Variants in ESRRG observed in about 807,000 individuals in gnomAD.
ESRRG encodes the protein estrogen related receptor gamma, also known as estrogen-related receptor gamma.
In ESRRG, 13 loss-of-function variants were observed where a neutral mutation model predicts 44.0. The ratio of observed to expected loss-of-function variants is 0.30; its 90% CI spans 0.19 to 0.47. The LOEUF is 0.47. Ranked by LOEUF, ESRRG falls within the 20% of genes least tolerant of loss-of-function variation. The pLI is 1.00. For synonymous variants in ESRRG, 215 were observed against 214.6 expected (o/e 1.00, Z -0.02); for missense variants, 395 against 580.6 (o/e 0.68, Z 3.29).
intron 2 of ESRRG, among the ~76,000 whole-genome samples, chr1:216,895,854 A>G (rs11572525): frequency 0.055 from 8,314 of 152,262 alleles, 308 homozygotes; most frequent in Non-Finnish European, 0.072. Context: ...TTCCCCCATC[A>G]TACAGAATAA....
chr1:217,018,867 G>C (rs1449376010), intron 1 of ESRRG, among the ~76,000 whole-genome samples: 1 of 152,058 alleles, frequency 6.6e-6, no homozygotes. Flanking sequence ...CCGCATTATG[G>C]CACAATTACT....
intron 2 of ESRRG, among the ~76,000 whole-genome samples, chr1:216,817,278 A>G (rs2095168566): frequency 6.6e-6 from 1 of 152,216 alleles, no homozygotes; most frequent in Non-Finnish European, 1.5e-5. Flanking sequence ...TTAAAAATGT[A>G]TTTCAATAGA....
chr1:216,658,171 C>A (rs2071126646), intron 2 of ESRRG, among the ~76,000 whole-genome samples: 1 of 152,082 alleles, frequency 6.6e-6, no homozygotes, highest in Non-Finnish European at 1.5e-5. Context: ...CCAGTACTGG[C>A]CACCTCCCTG....
intron 1 of ESRRG, among the ~76,000 whole-genome samples, chr1:216,978,536 G>A (rs894369326): frequency 6.6e-6 from 1 of 152,112 alleles, no homozygotes; most frequent in African/African-American, 2.4e-5. Context: ...GGATCTCCCG[G>A]ACACTGTGGC....
rs1453782936 is a variant in ESRRG, at chr1:217,072,399, C to T, written c.-106+17108G>A. On this transcript the variant is annotated intron_variant, in intron 1 of 7. Transcript: ENST00000359162. ...ACTTTTCTCATAATTCTACCATATA[C>T]CACTGACCTGAAGAGGGAAAGAAGA... is the stretch of plus-strand genomic sequence containing the variant. Among the ~76,000 whole-genome samples the T allele has an allele frequency of 3.3e-5, 5 of 152,156 alleles. No individual in the cohort carries two copies. The South Asian group carries it at 8.3e-4, about 25-fold the overall frequency.
chr1:216,980,309 G>A (rs1240672577), intron 1 of ESRRG, among the ~76,000 whole-genome samples: 2 of 152,232 alleles, frequency 1.3e-5, no homozygotes, highest in South Asian at 4.1e-4. Context: ...TTTGAGTCAT[G>A]TGTGTTCAAC....
At chr1:217,112,282 G>A in intron 1 of ESRRG, among the ~76,000 whole-genome samples, 1 of 152,188 alleles carries the variant, frequency 6.6e-6, no homozygotes, top group East Asian at 1.9e-4. Flanking sequence ...TTATCAGAAA[G>A]GGATTCTGTC....
At chr1:216,995,499 G>A (rs1335690324) in intron 1 of ESRRG, among the ~76,000 whole-genome samples, 1 of 152,142 alleles carries the variant, frequency 6.6e-6, no homozygotes, top group Admixed American at 6.5e-5. Flanking sequence ...TGTCATTCCT[G>A]TAAGAAGCAT....
intron 2 of ESRRG, among the ~76,000 whole-genome samples, chr1:216,772,863 T>TA (rs397827270): frequency 1.3e-5 from 2 of 151,090 alleles, no homozygotes; most frequent in African/African-American, 4.8e-5. Flanking sequence ...TTTTTTTTTT[T>TA]AATAAGCTGA....
intron 3 of ESRRG, among the ~76,000 whole-genome samples, chr1:216,637,482 C>G (rs1427966873): frequency 6.6e-6 from 1 of 152,154 alleles, no homozygotes; most frequent in Non-Finnish European, 1.5e-5. Context: ...GAAGTAATAG[C>G]AGAGAACAGC....
chr1:216,513,841 T>C (rs965445824), intron 6 of ESRRG, among the ~76,000 whole-genome samples: 1 of 152,174 alleles, frequency 6.6e-6, no homozygotes, highest in African/African-American at 2.4e-5. Context: ...AATTATAGTA[T>C]ACTGGGTAAG....
Position 217,079,014 on chromosome 1 carries a change from T to C in ESRRG, c.-106+10493A>G, listed in dbSNP as rs1016365939. ...AGGAACAGACAAGCAATGAAGAACA[T>C]GAAATATTCCACTGTTTAGCAGTGG... On this transcript the variant is annotated intron_variant, in intron 1 of 7. Coordinates refer to the ESRRG transcript ENST00000359162. Among the ~76,000 whole-genome samples the C allele has an allele frequency of 3.9e-5, 6 of 152,288 alleles. 1 individual carries two copies. The highest frequency in any genetic ancestry group is 1.4e-4 in the African/African-American group (6 of 41,542).
chr1:216,807,950 A>G (rs2148417629), intron 2 of ESRRG, among the ~76,000 whole-genome samples: 1 of 152,304 alleles, frequency 6.6e-6, no homozygotes, highest in Non-Finnish European at 1.5e-5. Flanking sequence ...TAACAACAAA[A>G]GAAATGTGCT....
chr1:216,604,203 CA>C (rs1286182914), intron 3 of ESRRG, among the ~76,000 whole-genome samples: 1 of 152,112 alleles, frequency 6.6e-6, no homozygotes. Flanking sequence ...AAAAACTGAA[CA>C]GGGATTGTAA....
intron 2 of ESRRG, among the ~76,000 whole-genome samples, chr1:216,745,377 G>A (rs999822184): frequency 4.6e-5 from 7 of 152,068 alleles, no homozygotes; most frequent in African/African-American, 1.7e-4. Context: ...TTTTCCCAAA[G>A]ACAGGGTCTT....
chr1:216,728,632 A>G (rs1229053045), intron 2 of ESRRG, among the ~76,000 whole-genome samples: 1 of 152,086 alleles, frequency 6.6e-6, no homozygotes, highest in Non-Finnish European at 1.5e-5. Flanking sequence ...CACCCCATTC[A>G]ACATATAATA....
At chr1:216,998,060 A>C (rs961806305) in intron 1 of ESRRG, among the ~76,000 whole-genome samples, 5 of 152,218 alleles carry the variant, frequency 3.3e-5, no homozygotes, top group African/African-American at 1.2e-4. Flanking sequence ...CTTGCTACTT[A>C]CTACTGCTTC....
intron 3 of ESRRG, among the ~76,000 whole-genome samples, chr1:216,586,342 G>C (rs577536311): frequency 6.6e-6 from 1 of 152,016 alleles, no homozygotes; most frequent in Non-Finnish European, 1.5e-5. Context: ...AGAAATCATC[G>C]TCATAGATGA....
rs750030299 is a variant in ESRRG, at chr1:216,993,654, G to A, written c.-105-53981C>T. On this transcript the variant is annotated intron_variant, in intron 1 of 7. Coordinates refer to the ESRRG transcript ENST00000359162. Reference sequence around the variant, plus strand: ...TTAAGGTGACAGATATTCCCGTACCGCAGTCTTGCCCATTTATATCCAAGA... The same window carrying A: ...TTAAGGTGACAGATATTCCCGTACCACAGTCTTGCCCATTTATATCCAAGA... Among the ~76,000 whole-genome samples the A allele has an allele frequency of 7.7e-4, 117 of 152,200 alleles. 1 individual carries two copies. Among genetic ancestry groups the A allele is most frequent in the Non-Finnish European group, 3.1e-4 (21 of 68,028 alleles).
Sources: allele counts gnomAD v4.1 joint callset (sites outside exome capture counted in the v4.1 genomes callset), GRCh38; gene constraint gnomAD v4.1.1; transcripts MANE v1.5; gene names NCBI Gene and HGNC (gene_info 2026-07-23, HGNC 2026-07-21).